The following PHF10 variants were observed in gnomAD, a reference collection of about 807,000 sequenced individuals.
The protein encoded by PHF10 is BRG1-associated factor 45a.
In PHF10, 51 loss-of-function variants were observed where a neutral mutation model predicts 68.5. That is an observed-to-expected ratio of 0.74 (90% CI 0.59 to 0.94). The LOEUF is 0.94. Ranked by LOEUF, PHF10 falls within the 40% of genes least tolerant of loss-of-function variation. PHF10 has a pLI of 0.00. For missense variants in PHF10, 460 were observed against 602.6 expected (o/e 0.76, Z 2.48); for synonymous variants, 204 against 203.5 (o/e 1.00, Z -0.02).
intron 7 of PHF10, 32 bp downstream of exon 7, chr6:169,714,701 C>A (rs773189113): frequency 3.6e-6 from 4 of 1,100,132 alleles, no homozygotes; most frequent in Non-Finnish European, 4.2e-6. Context: ...TACCAATAGC[C>A]GATACCAACT....
chr6:169,709,282 TA>T (rs1788875508), intron 9 of PHF10: 1 of 151,800 alleles, frequency 6.6e-6, no homozygotes, highest in Non-Finnish European at 1.5e-5. Flanking sequence ...ACAAGGTGTT[TA>T]ACAATTTCAC....
Position 169,705,319 on chromosome 6 carries a change from G to A in PHF10, c.1225C>T (p.His409Tyr). 1 of 1,600,690 alleles carries A rather than the reference G, an allele frequency of 6.2e-7. No homozygotes were observed. Among genetic ancestry groups the A allele is most frequent in the Non-Finnish European group, 8.5e-7 (1 of 1,173,106 alleles). Residue 409 changes from histidine (H) to tyrosine (Y), a missense_variant and splice_region_variant, in exon 11 of 12, where the codon CAT becomes TAT. Transcript: ENST00000339209. ...IHCSQCENSG[H>Y]PSCLDMTMEL... ...ATTGTCATATCCAGGCAAGAAGGAT[G>A]GCCTAAATCAAAACCAGTATTAGTG...
intron 7 of PHF10, among the ~76,000 whole-genome samples, chr6:169,713,619 T>G (rs1232233896): frequency 6.6e-6 from 1 of 151,786 alleles, no homozygotes. Flanking sequence ...AAAAAAAATT[T>G]GAAGAAAAAC....
At chr6:169,721,505 G>A (rs1789176820) in intron 1 of PHF10, among the ~76,000 whole-genome samples, 1 of 152,102 alleles carries the variant, frequency 6.6e-6, no homozygotes, top group Non-Finnish European at 1.5e-5. Context: ...GACTACTTTA[G>A]GCATTTATGT....
intron 7 of PHF10, among the ~76,000 whole-genome samples, chr6:169,714,070 G>A (rs1013551728): frequency 4.7e-5 from 7 of 150,290 alleles, no homozygotes; most frequent in African/African-American, 9.8e-5. Flanking sequence ...GCAGTGAGCC[G>A]AAATCACACT....
intron 1 of PHF10, among the ~76,000 whole-genome samples, chr6:169,722,764 G>C (rs966189995): frequency 6.6e-6 from 1 of 152,194 alleles, no homozygotes; most frequent in Admixed American, 6.5e-5. Context: ...AATCAGAGAT[G>C]TGCCTTCCAG....
chr6:169,706,980 G>C (rs759733090), intron 9 of PHF10: 3 of 151,994 alleles, frequency 2.0e-5, no homozygotes, highest in Non-Finnish European at 4.4e-5. Context: ...TTGTTCTTAA[G>C]TTTTGTACTT....
At chr6:169,706,161 A>C (rs986305521) in intron 9 of PHF10, among the ~76,000 whole-genome samples, 2 of 152,216 alleles carry the variant, frequency 1.3e-5, no homozygotes, top group South Asian at 4.1e-4. Flanking sequence ...CAAAACTGCA[A>C]AACTAGAGCT....
At position 169,714,635 on chromosome 6, in the gene PHF10, A is replaced by AT. The variant is rs566993194; in HGVS notation, c.803+97dup. 7.9e-5 allele frequency: 57 copies of AT among 717,598 alleles called. No individual in the cohort carries two copies. In the East Asian group the frequency reaches 1.3e-3, roughly 17 times the overall value. The allele number at this position is 717,598 out of a possible 1,614,324, so 44.5% of individuals were successfully genotyped here. On this transcript the variant is annotated intron_variant, in intron 7 of 11. Coordinates refer to ENST00000339209, the MANE Select transcript of PHF10 (RefSeq NM_018288.4). Reference sequence around the variant, plus strand: ...AAATCCTATACGATATCTTACGGTGATATCTATAGACCCCAAAATTGTTAG... The same window carrying AT: ...AAATCCTATACGATATCTTACGGTGATTATCTATAGACCCCAAAATTGTTAG...
At chr6:169,715,537 A>C (rs1204539878) in intron 6 of PHF10, among the ~76,000 whole-genome samples, 171 bp downstream of exon 6, 2 of 152,182 alleles carry the variant, frequency 1.3e-5, no homozygotes, top group Non-Finnish European at 2.9e-5. Context: ...ACTGCACTCC[A>C]TCCTGGGCTA....
chr6:169,710,465 G>T (rs928590051), intron 8 of PHF10, 74 bp from the exon 9 acceptor site: 3 of 1,025,548 alleles, frequency 2.9e-6, no homozygotes, highest in African/African-American at 3.2e-5. Flanking sequence ...GAAAACTATG[G>T]AAAATATTCA....
chr6:169,714,034 T>G (rs1008700816), intron 7 of PHF10, among the ~76,000 whole-genome samples: 3 of 151,368 alleles, frequency 2.0e-5, no homozygotes, highest in South Asian at 4.2e-4. Context: ...GGCAGGAGAA[T>G]CACTTGAACA....
chr6:169,723,729 C>T (rs1255314985), intron 1 of PHF10, 116 bp downstream of exon 1: 2 of 286,822 alleles, frequency 7.0e-6, no homozygotes, highest in African/African-American at 4.5e-5. Flanking sequence ...GGCGCGGCGC[C>T]CGGCCTGGGC....
At chr6:169,715,042 T>C (rs1789013641) in intron 6 of PHF10, among the ~76,000 whole-genome samples, 200 bp from the exon 7 acceptor site, 1 of 152,192 alleles carries the variant, frequency 6.6e-6, no homozygotes. Context: ...CCTATTCTCC[T>C]GAGGAATGGC....
chr6:169,708,394 C>G (rs1057103294), intron 9 of PHF10: 1 of 152,134 alleles, frequency 6.6e-6, no homozygotes, highest in African/African-American at 2.4e-5. Context: ...AGATACATTA[C>G]TTCCTTGAAT....
chr6:169,713,601 A>G (rs1788976529), intron 7 of PHF10, among the ~76,000 whole-genome samples: 1 of 151,014 alleles, frequency 6.6e-6, no homozygotes, highest in African/African-American at 2.4e-5. Flanking sequence ...TCCATCTCAA[A>G]AAAAAAAAAA....
In PHF10 at chr6:169,712,302, A is replaced by C. The variant is rs575801892; in HGVS notation, c.957+84T>G. On this transcript the variant is annotated intron_variant, in intron 8 of 11. Transcript: ENST00000339209. Reference sequence around the variant, plus strand: ...AAATTACATGCAACCATCCTTTTTCAAGGAGAGGGTGATGACAGAAATTCA... The same window carrying C: ...AAATTACATGCAACCATCCTTTTTCCAGGAGAGGGTGATGACAGAAATTCA... 8 of 1,144,792 alleles carry C rather than the reference A, an allele frequency of 7.0e-6. No individual in the cohort carries two copies. The Admixed American group carries it at 9.8e-5, about 14-fold the overall frequency. 70.9% of individuals were successfully genotyped at this position (1,144,792 alleles called of 1,614,324 possible).
At position 169,704,070 on chromosome 6, in the gene PHF10, C is replaced by A; in HGVS notation, c.1430G>T (p.Cys477Phe). 1.3e-6 allele frequency: 2 copies of A among 1,582,688 alleles called. No individual in the cohort carries two copies. The highest frequency in any genetic ancestry group is 2.0e-5 in the Admixed American group (1 of 49,342). ...AIPSGRWICD[C>F]CQRAPPTPRK... ...GGGTGTTGGGGGGGCCCGCTGACAA[C>A]AGTCACAAATCCAGCGACCTAGGAA... Residue 477 changes from cysteine (C) to phenylalanine (F), a missense_variant, in exon 12 of 12, where the codon TGT becomes TTT. Coordinates refer to ENST00000339209, the MANE Select transcript of PHF10 (RefSeq NM_018288.4).
At chr6:169,717,294 A>G (rs1202273391) in intron 4 of PHF10, among the ~76,000 whole-genome samples, 1 of 152,190 alleles carries the variant, frequency 6.6e-6, no homozygotes, top group Non-Finnish European at 1.5e-5. Flanking sequence ...TATAGAATAG[A>G]GGTTGATCCT....
Sources: allele counts gnomAD v4.1 joint callset (sites outside exome capture counted in the v4.1 genomes callset), GRCh38; gene constraint gnomAD v4.1.1; transcripts MANE v1.5; gene names NCBI Gene and HGNC (gene_info 2026-07-23, HGNC 2026-07-21).